Variants in GPR37 observed in about 807,000 individuals in gnomAD.
GPR37 encodes the protein G protein-coupled receptor 37.
In GPR37, 20 loss-of-function variants were observed where a neutral mutation model predicts 43.6. That is an observed-to-expected ratio of 0.46 (90% CI 0.32 to 0.67). The LOEUF is 0.67. Ranked by LOEUF, GPR37 falls within the 30% of genes least tolerant of loss-of-function variation. The pLI, the probability that GPR37 is intolerant of heterozygous loss-of-function variation, is 0.03. For synonymous variants in GPR37, 315 were observed against 322.6 expected (o/e 0.98, Z 0.25); for missense variants, 724 against 797.2 (o/e 0.91, Z 1.11).
At position 124,756,837 on chromosome 7, in the gene GPR37, A is replaced by G. The variant is rs905894612; in HGVS notation, c.1023+7117T>C. On this transcript the variant is annotated intron_variant, in intron 1 of 1. Transcript: ENST00000303921. ...TACTGTTAAAAGGTTGCCGCACATA[A>G]GACGAATGCCATTAAAGGTGTAAAA... 4.6e-5 allele frequency among the ~76,000 whole-genome samples: 7 copies of G among 152,224 alleles called. No homozygotes were observed. The East Asian group carries it at 1.2e-3, about 25-fold the overall frequency.
intron 1 of GPR37, among the ~76,000 whole-genome samples, chr7:124,761,154 C>CAAAAAAAAAAAAAAAAAAAAAA (rs60967099): frequency 1.3e-5 from 1 of 77,470 alleles, no homozygotes; most frequent in African/African-American, 5.3e-5. Flanking sequence ...GACTCCGTCT[C>CAAAAAAAAAAAAAAAAAAAAAA]AAAAAAAAAA....
At chr7:124,756,170 T>A (rs1047018257) in intron 1 of GPR37, among the ~76,000 whole-genome samples, 1 of 152,122 alleles carries the variant, frequency 6.6e-6, no homozygotes, top group African/African-American at 2.4e-5. Context: ...AAAAAGGATT[T>A]GAATTAGGAA....
At chr7:124,749,030 G>A (rs138239970) in intron 1 of GPR37, among the ~76,000 whole-genome samples, 1 of 152,070 alleles carries the variant, frequency 6.6e-6, no homozygotes, top group African/African-American at 2.4e-5. Context: ...TTGGTATCGA[G>A]AAAATAGAAA....
rs1035513674 is a variant in GPR37 at position 124,744,586 on chromosome 7, C to A, written c.*1939G>T. On this transcript the variant is annotated 3_prime_UTR_variant, in exon 2 of 2. Transcript: ENST00000303921. Reference sequence around the variant, plus strand: ...CCACTCATCCAGTTATCTCATAAAGCCTTTCATGCTCTCTTCTAACCCTAT... The same window carrying A: ...CCACTCATCCAGTTATCTCATAAAGACTTTCATGCTCTCTTCTAACCCTAT... 7.2e-5 allele frequency: 11 copies of A among 152,318 alleles called. No individual in the cohort carries two copies. In the East Asian group the frequency reaches 1.2e-3, roughly 16 times the overall value. The allele number at this position is 152,318 out of a possible 1,614,324, so 9.4% of individuals were successfully genotyped here.
chr7:124,764,697 G>A lies in GPR37; in HGVS notation c.280C>T (p.Arg94Cys). 1.9e-6 allele frequency: 3 copies of A among 1,595,450 alleles called. No homozygotes were observed. The highest frequency in any genetic ancestry group is 2.2e-5 in the East Asian group (1 of 44,624). ...GCCCCTCTGCCTGCAGCCGGGTCAC[G>A]GCCCGGGGCCGCCGGCAGGTCCCAG... is the stretch of plus-strand genomic sequence containing the variant. ...PSWDLPAAPG[R>C]DPAAGRGAEA... Residue 94 changes from arginine to cysteine, a missense_variant, in exon 1 of 2, where the codon CGT becomes TGT. Physicochemically the swap from Arg to Cys is radical, Grantham distance 180 (BLOSUM62 -3). This residue lies in a region of GPR37 where 382 missense variants were observed against 355.4 expected (regional missense o/e 1.07). Coordinates refer to ENST00000303921, the MANE Select transcript of GPR37 (RefSeq NM_005302.5). This position sits in a 1 kb window ranked among gnomAD's most constrained non-coding sequence, Gnocchi z 5.4.
chr7:124,756,306 C>T (rs2116320472), intron 1 of GPR37, among the ~76,000 whole-genome samples: 1 of 152,232 alleles, frequency 6.6e-6, no homozygotes, highest in South Asian at 2.1e-4. Flanking sequence ...TCATTCTAGG[C>T]AGGGATCAAA....
intron 1 of GPR37, 127 bp downstream of exon 1, chr7:124,763,827 T>G: frequency 1.2e-6 from 1 of 819,220 alleles, no homozygotes; most frequent in Non-Finnish European, 2.0e-6. Context: ...GAAAGAGAAA[T>G]GAAAGAGGGC....
intron 1 of GPR37, among the ~76,000 whole-genome samples, chr7:124,761,946 G>C (rs904821821): frequency 6.6e-6 from 1 of 151,928 alleles, no homozygotes; most frequent in Non-Finnish European, 1.5e-5. Context: ...TTAAGCCTTT[G>C]ATTCTCTAAG....
At chr7:124,751,459 G>C (rs939735815) in intron 1 of GPR37, among the ~76,000 whole-genome samples, 1 of 152,064 alleles carries the variant, frequency 6.6e-6, no homozygotes, top group African/African-American at 2.4e-5. Flanking sequence ...AGTAGTAACT[G>C]CACACCTCAG....
Position 124,745,687 on chromosome 7 carries a change from T to C in GPR37, c.*838A>G, listed in dbSNP as rs867528085. Among the ~76,000 whole-genome samples the C allele has an allele frequency of 3.9e-4, 60 of 152,300 alleles. 1 individual carries two copies. Among genetic ancestry groups the C allele is most frequent in the Admixed American group, 3.3e-4 (5 of 15,296 alleles). ...ACAACTGCATTTTAAAATTCTTGATTCTGCCCATAATTCCCCAAGGGAAAA... is the reference window on the plus strand; with the variant it reads ...ACAACTGCATTTTAAAATTCTTGATCCTGCCCATAATTCCCCAAGGGAAAA... On this transcript the variant is annotated 3_prime_UTR_variant, in exon 2 of 2. Transcript: ENST00000303921.
chr7:124,744,699 G>GAT lies in GPR37; in HGVS notation c.*1825_*1826insAT, dbSNP rs1038273488. On this transcript the variant is annotated 3_prime_UTR_variant, in exon 2 of 2. Coordinates refer to ENST00000303921, the MANE Select transcript of GPR37 (RefSeq NM_005302.5). ...CCCAGCTTATATCATAGTTGTCTAT[G>GAT]TATTTATTTTATTCCTTCCCATCCA... 6.6e-6 allele frequency: 1 copy of GAT among 152,142 alleles called. No individual in the cohort carries two copies. The highest frequency in any genetic ancestry group is 2.4e-5 in the African/African-American group (1 of 41,430). 9.4% of individuals were successfully genotyped at this position (152,142 alleles called of 1,614,324 possible). A position where few individuals can be genotyped will look rare whatever the true frequency, so the allele number is the denominator to read the frequency against.
chr7:124,757,713 TATTC>T (rs1434354968), intron 1 of GPR37, among the ~76,000 whole-genome samples: 2 of 152,210 alleles, frequency 1.3e-5, no homozygotes, highest in Non-Finnish European at 2.9e-5. Flanking sequence ...TCTATTATAA[TATTC>T]ATCATGGTGT....
At chr7:124,751,530 C>T (rs1793736047) in intron 1 of GPR37, among the ~76,000 whole-genome samples, 1 of 152,116 alleles carries the variant, frequency 6.6e-6, no homozygotes, top group Non-Finnish European at 1.5e-5. Flanking sequence ...CTTACCCAAA[C>T]ATGAAATCTA....
At chr7:124,752,073 T>C (rs1793740638) in intron 1 of GPR37, among the ~76,000 whole-genome samples, 1 of 152,122 alleles carries the variant, frequency 6.6e-6, no homozygotes, top group Non-Finnish European at 1.5e-5. Context: ...CAAACAACAA[T>C]GTTCTGCTTT....
In GPR37 at chr7:124,763,938, C is replaced by T. The variant is rs759503153; in HGVS notation, c.1023+16G>A. On this transcript the variant is annotated intron_variant, in intron 1 of 1. Coordinates refer to ENST00000303921, the MANE Select transcript of GPR37 (RefSeq NM_005302.5). ...CAGATAAAGCCACTAGCTTGAGAGC[C>T]CCTGGAAGGCATTACCTCTATATAG... 1 of 1,610,994 alleles carries T rather than the reference C, an allele frequency of 6.2e-7. No homozygotes were observed. The highest frequency in any genetic ancestry group is 8.5e-7 in the Non-Finnish European group (1 of 1,178,352).
At chr7:124,747,784 A>G (rs1793690464) in intron 1 of GPR37, among the ~76,000 whole-genome samples, 2 of 152,156 alleles carry the variant, frequency 1.3e-5, no homozygotes, top group African/African-American at 4.8e-5. Flanking sequence ...GAGGGTCAGT[A>G]GTGTGCCTTA....
Position 124,746,935 on chromosome 7 carries a change from G to A in GPR37, c.1432C>T (p.Arg478Ter), listed in dbSNP as rs1305258653. Residue 478 changes from arginine (R) to a stop codon, truncating the protein, a stop_gained, in exon 2 of 2, where the codon CGA becomes TGA. Coordinates refer to ENST00000303921, the MANE Select transcript of GPR37 (RefSeq NM_005302.5). LOFTEE classifies it high-confidence loss of function. ...AGTTGAATCTGCCGTTTATTCCCTC[G>A]GGTACAGGCTTTCTCTGCTTTGCGG... ...KIRKAEKACT[R>*]GNKRQIQLES... The A allele has an allele frequency of 6.2e-7, 1 of 1,614,006 alleles. No individual in the cohort carries two copies. The highest frequency in any genetic ancestry group is 8.5e-7 in the Non-Finnish European group (1 of 1,179,964).
chr7:124,760,415 T>C (rs1398590735), intron 1 of GPR37, among the ~76,000 whole-genome samples: 1 of 152,190 alleles, frequency 6.6e-6, no homozygotes, highest in African/African-American at 2.4e-5. Context: ...AAATTTAACC[T>C]ATATAACTTT....
intron 1 of GPR37, among the ~76,000 whole-genome samples, chr7:124,756,908 C>A (rs1246430410): frequency 1.3e-5 from 2 of 152,136 alleles, no homozygotes; most frequent in Non-Finnish European, 2.9e-5. Context: ...CAAAGGTAGA[C>A]CCTCACCCAC....
Sources: allele counts gnomAD v4.1 joint callset (sites outside exome capture counted in the v4.1 genomes callset), GRCh38; gene constraint gnomAD v4.1.1; regional missense constraint gnomAD v4.1.1; non-coding constraint Gnocchi (gnomAD v3.1); transcripts MANE v1.5; gene names NCBI Gene and HGNC (gene_info 2026-07-23, HGNC 2026-07-21).